FAT3: variants seen among roughly 807,000 people sequenced by gnomAD.
FAT3 encodes FAT atypical cadherin 3.
In FAT3, 95 loss-of-function variants were observed where a neutral mutation model predicts 310.2. That is an observed-to-expected ratio of 0.31 (90% CI 0.26 to 0.36). The LOEUF (loss-of-function observed/expected upper bound fraction) is 0.36. FAT3 is among the 10% of genes least tolerant of loss of function. The pLI is 1.00. For missense variants in FAT3, 5,408 were observed against 5,715.6 expected (o/e 0.95, Z 1.74); for synonymous variants, 2,314 against 2,192.9 (o/e 1.06, Z -1.54).
At chr11:92,598,227 TA>T (rs1308443297) in intron 3 of FAT3, among the ~76,000 whole-genome samples, 10 of 123,230 alleles carry the variant, frequency 8.1e-5, no homozygotes, top group East Asian at 4.5e-4. Context: ...TATATATATA[TA>T]TATTTTTTTT....
chr11:92,636,010 C>T (rs1318308475), intron 3 of FAT3, among the ~76,000 whole-genome samples: 1 of 152,126 alleles, frequency 6.6e-6, no homozygotes, highest in Non-Finnish European at 1.5e-5. Context: ...GTCGCCCAGA[C>T]TCGAATGCAG....
chr11:92,293,799 C>T (rs1946775601), intron 1 of FAT3, among the ~76,000 whole-genome samples: 1 of 151,652 alleles, frequency 6.6e-6, no homozygotes, highest in Admixed American at 6.6e-5. Context: ...TCATAAGGAT[C>T]TTTTATTACT....
chr11:92,751,279 A>T (rs921261142), intron 4 of FAT3, among the ~76,000 whole-genome samples: 1 of 152,210 alleles, frequency 6.6e-6, no homozygotes, highest in Non-Finnish European at 1.5e-5. Flanking sequence ...GTGTGGGGAT[A>T]ATAATCGCAT....
intron 2 of FAT3, chr11:92,498,340 C>T (rs79968086): frequency 2.9e-4 from 69 of 237,682 alleles, no homozygotes; most frequent in Admixed American, 5.3e-4. Flanking sequence ...GATCGGCAAG[C>T]CTTTTCTTTG....
chr11:92,771,583 A>T (rs1381809754), intron 6 of FAT3, among the ~76,000 whole-genome samples: 2 of 152,226 alleles, frequency 1.3e-5, no homozygotes, highest in South Asian at 4.1e-4. Flanking sequence ...GCTGCTAGCT[A>T]TATTGGTAAG....
intron 2 of FAT3, among the ~76,000 whole-genome samples, chr11:92,472,143 A>G (rs1432422054): frequency 6.6e-6 from 1 of 152,070 alleles, no homozygotes; most frequent in African/African-American, 2.4e-5. Context: ...AGTTTCTGTT[A>G]TATCTGAGTT....
At chr11:92,542,533 C>T (rs1257526596) in intron 3 of FAT3, among the ~76,000 whole-genome samples, 1 of 151,174 alleles carries the variant, frequency 6.6e-6, no homozygotes, top group East Asian at 1.9e-4. Context: ...GACAAAAGAC[C>T]TGAAAAGACA....
chr11:92,786,914 T>A (rs1211409628), intron 7 of FAT3, among the ~76,000 whole-genome samples: 1 of 152,238 alleles, frequency 6.6e-6, no homozygotes, highest in African/African-American at 2.4e-5. Context: ...AGTATCTCTG[T>A]ACTTCTGTGG....
intron 1 of FAT3, among the ~76,000 whole-genome samples, chr11:92,278,940 T>C (rs1237680043): frequency 6.6e-6 from 1 of 152,078 alleles, no homozygotes; most frequent in Non-Finnish European, 1.5e-5. Flanking sequence ...ATGAGTGGCT[T>C]CTCCTCCTCT....
At chr11:92,583,792 G>A (rs779559764) in intron 3 of FAT3, among the ~76,000 whole-genome samples, 9 of 151,942 alleles carry the variant, frequency 5.9e-5, no homozygotes, top group African/African-American at 1.4e-4. Flanking sequence ...TGCATTGTTC[G>A]TTCATTTTAA....
At chr11:92,781,758 A>C (rs1946759695) in intron 7 of FAT3, among the ~76,000 whole-genome samples, 1 of 152,222 alleles carries the variant, frequency 6.6e-6, no homozygotes, top group African/African-American at 2.4e-5. Flanking sequence ...TGCCTCATAA[A>C]TTTTAAGATG....
At chr11:92,765,951 C>T (rs1250885764) in intron 6 of FAT3, among the ~76,000 whole-genome samples, 2 of 151,938 alleles carry the variant, frequency 1.3e-5, no homozygotes, top group Non-Finnish European at 2.9e-5. Context: ...AGCGGTAGTA[C>T]CATTCATGCA....
chr11:92,299,182 G>T (rs1297713824), intron 1 of FAT3, among the ~76,000 whole-genome samples: 1 of 152,008 alleles, frequency 6.6e-6, no homozygotes, highest in Non-Finnish European at 1.5e-5. Context: ...TACTTATAAT[G>T]GTGGGGTACA....
chr11:92,270,563 G>C (rs1042695266), intron 1 of FAT3, among the ~76,000 whole-genome samples: 16 of 151,954 alleles, frequency 1.1e-4, no homozygotes, highest in Admixed American at 2.0e-4. Flanking sequence ...GCACATGCCT[G>C]TAATCCCAGC....
Position 92,355,430 on chromosome 11 carries a change from G to A in FAT3, c.3292+26G>A, listed in dbSNP as rs766274758. 2.5e-6 allele frequency: 4 copies of A among 1,580,930 alleles called. No individual in the cohort carries two copies. The Admixed American group carries it at 5.2e-5, about 21-fold the overall frequency. ...GTAAGTGTAATATTTTGTGCCAAGA[G>A]TGTTGTTTCACCTCTTTTAAATGGT... On this transcript the variant is annotated intron_variant, in intron 2 of 27. Transcript: ENST00000525166.
At chr11:92,744,253 T>A (rs1230474680) in intron 4 of FAT3, among the ~76,000 whole-genome samples, 1 of 152,226 alleles carries the variant, frequency 6.6e-6, no homozygotes, top group East Asian at 1.9e-4. Context: ...GAAATCATAA[T>A]ACCTAGAGAA....
chr11:92,554,069 G>T (rs955283678), intron 3 of FAT3, among the ~76,000 whole-genome samples: 3 of 151,986 alleles, frequency 2.0e-5, no homozygotes, highest in Non-Finnish European at 2.9e-5. Context: ...GACTCCCAAA[G>T]TGCTGGGATT....
intron 20 of FAT3, among the ~76,000 whole-genome samples, chr11:92,857,839 C>T (rs950735337): frequency 2.0e-5 from 3 of 152,134 alleles, no homozygotes; most frequent in African/African-American, 7.2e-5. Context: ...GTTTAACTAA[C>T]TTCATGTTCC....
intron 4 of FAT3, among the ~76,000 whole-genome samples, chr11:92,726,112 T>G (rs1275999784): frequency 6.6e-6 from 1 of 152,064 alleles, no homozygotes; most frequent in Non-Finnish European, 1.5e-5. Flanking sequence ...CCTGAAAACA[T>G]GTACATCAAT....
Sources: gnomAD v4.1 joint callset for allele counts (sites outside exome capture counted in the v4.1 genomes callset) on GRCh38, gnomAD v4.1.1 for gene constraint, MANE v1.5 for transcripts, NCBI Gene and HGNC (gene_info 2026-07-23, HGNC 2026-07-21) for gene names.